Variants in GAPT observed in about 807,000 individuals in gnomAD.
GAPT encodes protein GAPT.
For missense variants in GAPT, 206 were observed against 189.2 expected (o/e 1.09, Z -0.52); for synonymous variants, 82 against 69.7 (o/e 1.18, Z -0.88).
chr5:58,494,691 G>A lies in GAPT; in HGVS notation c.155G>A (p.Ser52Asn). The A allele has an allele frequency of 1.2e-6, 2 of 1,613,994 alleles. No homozygotes were observed. The part of the protein sequence containing the change: ...TLPRFLQRRS[S>N]RRKVCTKTFL... ...CCGAGGTTTTTACAAAGGAGAAGCA[G>A]CAGGAGAAAAGTCTGTACTAAAACA... is the stretch of plus-strand genomic sequence containing the variant. The change falls in exon 3 of 3, where the codon AGC becomes AAC. Residue 52 changes from serine to asparagine, a missense_variant. Ser to Asn is a conservative substitution (Grantham distance 46, BLOSUM62 1). Coordinates refer to ENST00000502276, the MANE Select transcript of GAPT (RefSeq NM_001304431.2).
At position 58,495,347 on chromosome 5, in the gene GAPT, C is replaced by A; in HGVS notation, c.*337C>A. 4.2e-6 allele frequency: 1 copy of A among 235,874 alleles called. No individual in the cohort carries two copies. Among genetic ancestry groups the A allele is most frequent in the Non-Finnish European group, 8.3e-6 (1 of 119,962 alleles). The allele number at this position is 235,874 out of a possible 1,614,324, so 14.6% of individuals were successfully genotyped here. ...GAAAAAAAAAATATCAGGTACTATG[C>A]TTAGTACACACATGATGAAATAATC... On this transcript the variant is annotated 3_prime_UTR_variant, in exon 3 of 3. Transcript: ENST00000502276.
chr5:58,494,420 G>C lies in GAPT; in HGVS notation c.-117G>C, dbSNP rs1028140030. On this transcript the variant is annotated 5_prime_UTR_variant, in exon 3 of 3. Coordinates refer to ENST00000502276, the MANE Select transcript of GAPT (RefSeq NM_001304431.2). ...ATAATGTTCTTCCAGATCTGAAAAG[G>C]AAAATGCCTAAAAGAGCTTCCAAAC... 1.3e-6 allele frequency: 1 copy of C among 794,760 alleles called. No individual in the cohort carries two copies. The highest frequency in any genetic ancestry group is 1.7e-5 in the African/African-American group (1 of 57,254). 49.2% of individuals were successfully genotyped at this position (794,760 alleles called of 1,614,324 possible).
Position 58,496,120 on chromosome 5 carries a change from T to C in GAPT, c.*1110T>C, listed in dbSNP as rs1224401348. ...ACCTTTTTATTTTCTGATATAAGCT[T>C]TGATGCCTCTTCAATTCTTAGGACA... On this transcript the variant is annotated 3_prime_UTR_variant, in exon 3 of 3. Coordinates refer to ENST00000502276, the MANE Select transcript of GAPT (RefSeq NM_001304431.2). 1.8e-5 allele frequency: 3 copies of C among 166,934 alleles called. No homozygotes were observed. Among genetic ancestry groups the C allele is most frequent in the African/African-American group, 7.2e-5 (3 of 41,470 alleles). 10.3% of individuals were successfully genotyped at this position (166,934 alleles called of 1,614,324 possible).
chr5:58,494,797 T>C lies in GAPT; in HGVS notation c.261T>C (p.Asn87=). ...TQDHKSAVRG[N]NTHDNYENVE... ...ACCACAAATCTGCTGTCAGGGGAAA[T>C]AACACACACGACAACTATGAAAATG... Residue 87 remains asparagine (N), a synonymous_variant, in exon 3 of 3, where the codon AAT becomes AAC. Coordinates refer to ENST00000502276, the MANE Select transcript of GAPT (RefSeq NM_001304431.2). The C allele has an allele frequency of 6.2e-7, 1 of 1,613,886 alleles. No homozygotes were observed. The highest frequency in any genetic ancestry group is 8.5e-7 in the Non-Finnish European group (1 of 1,179,962).
At position 58,491,458 on chromosome 5, in the gene GAPT, A is replaced by G. The variant is rs1744255135; in HGVS notation, c.-502A>G. On this transcript the variant is annotated 5_prime_UTR_variant, in exon 1 of 3. Transcript: ENST00000502276. ...AGAAGGAAGTAACCCACCAAAGTGA[A>G]AAAGAGGAACAAGTTCTAACCCAAT... is the stretch of plus-strand genomic sequence containing the variant. 6.6e-6 allele frequency: 1 copy of G among 152,224 alleles called. No homozygotes were observed. The highest frequency in any genetic ancestry group is 1.5e-5 in the Non-Finnish European group (1 of 68,040). The allele number at this position is 152,224 out of a possible 1,614,324, so 9.4% of individuals were successfully genotyped here.
rs770204140 is a variant in GAPT at position 58,494,709 on chromosome 5, C to T, written c.173C>T (p.Thr58Ile). The T allele has an allele frequency of 1.2e-6, 2 of 1,613,828 alleles. No individual in the cohort carries two copies. The highest frequency in any genetic ancestry group is 3.3e-5 in the Admixed American group (2 of 59,924). Reference sequence around the variant, plus strand: ...AGAAGCAGCAGGAGAAAAGTCTGTACTAAAACATTCTTGGGCCCCCGCATC... The same window carrying T: ...AGAAGCAGCAGGAGAAAAGTCTGTATTAAAACATTCTTGGGCCCCCGCATC... Reference protein sequence around the residue: ...QRRSSRRKVCTKTFLGPRIIG... With the variant: ...QRRSSRRKVCIKTFLGPRIIG... The change falls in exon 3 of 3, where the codon ACT becomes ATT. Residue 58 changes from threonine to isoleucine, a missense_variant. By Grantham distance (89) the Thr-to-Ile change is moderately conservative. Coordinates refer to ENST00000502276, the MANE Select transcript of GAPT (RefSeq NM_001304431.2).
chr5:58,494,916 A>G lies in GAPT; in HGVS notation c.380A>G (p.Asn127Ser). 6.2e-7 allele frequency: 1 copy of G among 1,614,066 alleles called. No homozygotes were observed. The highest frequency in any genetic ancestry group is 8.5e-7 in the Non-Finnish European group (1 of 1,179,926). The change falls in exon 3 of 3, where the codon AAT becomes AGT. Residue 127 changes from asparagine (N) to serine (S), a missense_variant. Coordinates refer to ENST00000502276, the MANE Select transcript of GAPT (RefSeq NM_001304431.2). ...AATTTCGAGGAGCATATCTATGGAA[A>G]TGAGACATCTTCTGACTATTATAAC... ...QSNFEEHIYG[N>S]ETSSDYYNFQ...
chr5:58,495,148 T>C lies in GAPT; in HGVS notation c.*138T>C. On this transcript the variant is annotated 3_prime_UTR_variant, in exon 3 of 3. Transcript: ENST00000502276. Reference sequence around the variant, plus strand: ...AATGTGGTACACATACACCATAGAATATTATGCAGCCGTAAAAAAAGAACA... The same window carrying C: ...AATGTGGTACACATACACCATAGAACATTATGCAGCCGTAAAAAAAGAACA... The C allele has an allele frequency of 1.7e-6, 1 of 598,792 alleles. No homozygotes were observed. Among genetic ancestry groups the C allele is most frequent in the South Asian group, 2.2e-5 (1 of 45,160 alleles). 37.1% of individuals were successfully genotyped at this position (598,792 alleles called of 1,614,324 possible).
chr5:58,494,550 G>T lies in GAPT; in HGVS notation c.14G>T (p.Cys5Phe), dbSNP rs766799588. Residue 5 changes from cysteine to phenylalanine, a missense_variant, in exon 3 of 3, where the codon TGT becomes TTT. Transcript: ENST00000502276. MSKS[C>F]GNNLAAISVG... ...GTTTGTACAGAAATGTCGAAAAGCT[G>T]TGGAAATAATTTAGCGGCCATTTCT... is the stretch of plus-strand genomic sequence containing the variant. 2 of 1,609,900 alleles carry T rather than the reference G, an allele frequency of 1.2e-6. No individual in the cohort carries two copies. Among genetic ancestry groups the T allele is most frequent in the Non-Finnish European group, 8.5e-7 (1 of 1,177,730 alleles).
intron 1 of GAPT, among the ~76,000 whole-genome samples, chr5:58,493,007 G>T (rs1367106763): frequency 6.6e-6 from 1 of 152,044 alleles, no homozygotes; most frequent in Non-Finnish European, 1.5e-5. Flanking sequence ...TAATATTTTG[G>T]GGAAATTTTT....
At position 58,494,720 on chromosome 5, in the gene GAPT, T is replaced by C; in HGVS notation, c.184T>C (p.Leu62=). 3 of 1,614,018 alleles carry C rather than the reference T, an allele frequency of 1.9e-6. No homozygotes were observed. Among genetic ancestry groups the C allele is most frequent in the Non-Finnish European group, 2.5e-6 (3 of 1,179,978 alleles). ...GAGAAAAGTCTGTACTAAAACATTCTTGGGCCCCCGCATCATTGGCTTAAG... is the reference window on the plus strand; with the variant it reads ...GAGAAAAGTCTGTACTAAAACATTCCTGGGCCCCCGCATCATTGGCTTAAG... ...SRRKVCTKTF[L]GPRIIGLRHE... Residue 62 remains leucine (L), a synonymous_variant, in exon 3 of 3, where the codon TTG becomes CTG. Transcript: ENST00000502276.
At position 58,494,321 on chromosome 5, in the gene GAPT, C is replaced by T. The variant is rs1744362934; in HGVS notation, c.-216C>T. On this transcript the variant is annotated 5_prime_UTR_variant, in exon 3 of 3. Coordinates refer to ENST00000502276, the MANE Select transcript of GAPT (RefSeq NM_001304431.2). ...TTAATGGCTGTAATGTGAAGAGCAT[C>T]ACACACGAAGAGAGCCATCTTCCAG... 1 of 507,216 alleles carries T rather than the reference C, an allele frequency of 2.0e-6. No individual in the cohort carries two copies. The highest frequency in any genetic ancestry group is 3.5e-6 in the Non-Finnish European group (1 of 288,306). 31.4% of individuals were successfully genotyped at this position (507,216 alleles called of 1,614,324 possible).
Position 58,495,055 on chromosome 5 carries a change from T to C in GAPT, c.*45T>C, listed in dbSNP as rs1169313609. The C allele has an allele frequency of 2.3e-6, 3 of 1,284,742 alleles. No homozygotes were observed. The African/African-American group carries it at 4.4e-5, about 19-fold the overall frequency. 79.6% of individuals were successfully genotyped at this position (1,284,742 alleles called of 1,614,324 possible). On this transcript the variant is annotated 3_prime_UTR_variant, in exon 3 of 3. Transcript: ENST00000502276. ...TTGTTATTGGATGATAAATATTCAC[T>C]GTAATTTTTCAACAGCAAAGACAAG...
At position 58,494,563 on chromosome 5, in the gene GAPT, A is replaced by G; in HGVS notation, c.27A>G (p.Leu9=). 6.2e-7 allele frequency: 1 copy of G among 1,611,602 alleles called. No individual in the cohort carries two copies. Among genetic ancestry groups the G allele is most frequent in the Non-Finnish European group, 8.5e-7 (1 of 1,178,688 alleles). Residue 9 remains leucine, a synonymous_variant, in exon 3 of 3, where the codon TTA becomes TTG. Coordinates refer to ENST00000502276, the MANE Select transcript of GAPT (RefSeq NM_001304431.2). The part of the protein sequence containing the change: MSKSCGNN[L]AAISVGISLL... ...TGTCGAAAAGCTGTGGAAATAATTT[A>G]GCGGCCATTTCTGTAGGAATTTCGC...
Position 58,494,809 on chromosome 5 carries a change from C to T in GAPT, c.273C>T (p.Asp91=). 6.2e-7 allele frequency: 1 copy of T among 1,613,930 alleles called. No individual in the cohort carries two copies. Among genetic ancestry groups the T allele is most frequent in the Non-Finnish European group, 8.5e-7 (1 of 1,179,968 alleles). The change falls in exon 3 of 3, where the codon GAC becomes GAT. Residue 91 remains aspartate, a synonymous_variant. Coordinates refer to ENST00000502276, the MANE Select transcript of GAPT (RefSeq NM_001304431.2). ...CTGTCAGGGGAAATAACACACACGA[C>T]AACTATGAAAATGTGGAAGCAGGTC... ...KSAVRGNNTH[D]NYENVEAGPP... is the part of the protein sequence containing the mutation.
In GAPT at chr5:58,495,294, G is replaced by A; in HGVS notation, c.*284G>A. Reference sequence around the variant, plus strand: ...CAGACACTGGGGCCTACTTGAGGGAGGACAGTGGAAGGAGGGAGAGGTTCA... The same window carrying A: ...CAGACACTGGGGCCTACTTGAGGGAAGACAGTGGAAGGAGGGAGAGGTTCA... On this transcript the variant is annotated 3_prime_UTR_variant, in exon 3 of 3. Transcript: ENST00000502276. The A allele has an allele frequency of 3.0e-6, 1 of 328,918 alleles. No individual in the cohort carries two copies. Among genetic ancestry groups the A allele is most frequent in the Non-Finnish European group, 5.6e-6 (1 of 178,754 alleles). 20.4% of individuals were successfully genotyped at this position (328,918 alleles called of 1,614,324 possible).
At position 58,494,467 on chromosome 5, in the gene GAPT, C is replaced by G; in HGVS notation, c.-70C>G. The G allele has an allele frequency of 7.8e-7, 1 of 1,286,614 alleles. No individual in the cohort carries two copies. The highest frequency in any genetic ancestry group is 1.1e-6 in the Non-Finnish European group (1 of 928,538). The allele number at this position is 1,286,614 out of a possible 1,614,324, so 79.7% of individuals were successfully genotyped here. The stretch of plus-strand genomic sequence containing the variant: ...AAACTCATTTTTGAATAATACTAGG[C>G]TACAAAGAATTACACTGTGAATTCA... On this transcript the variant is annotated 5_prime_UTR_variant, in exon 3 of 3. Transcript: ENST00000502276.
rs1303731800 is a variant in GAPT, at chr5:58,494,735, A to G, written c.199A>G (p.Ile67Val). 5 of 1,613,880 alleles carry G rather than the reference A, an allele frequency of 3.1e-6. No individual in the cohort carries two copies. Among genetic ancestry groups the G allele is most frequent in the Non-Finnish European group, 4.2e-6 (5 of 1,179,960 alleles). The change falls in exon 3 of 3, where the codon ATT (isoleucine) becomes GTT (valine). Residue 67 changes from isoleucine to valine, a missense_variant. Coordinates refer to ENST00000502276, the MANE Select transcript of GAPT (RefSeq NM_001304431.2). ...TAAAACATTCTTGGGCCCCCGCATC[A>G]TTGGCTTAAGGCATGAAATCTCAGT... ...CTKTFLGPRI[I>V]GLRHEISVET...
At chr5:58,492,512 C>T (rs181080646) in intron 1 of GAPT, among the ~76,000 whole-genome samples, 22 of 152,168 alleles carry the variant, frequency 1.4e-4, no homozygotes, top group African/African-American at 2.6e-4. Flanking sequence ...TCTTATGTGG[C>T]GGACCATACA....
Sources: gnomAD v4.1 joint callset for allele counts (sites outside exome capture counted in the v4.1 genomes callset) on GRCh38, gnomAD v4.1.1 for gene constraint, MANE v1.5 for transcripts, NCBI Gene and HGNC (gene_info 2026-07-23, HGNC 2026-07-21) for gene names.